Variants in ANKS6 observed in about 807,000 individuals in gnomAD.
The protein encoded by ANKS6 is ankyrin repeat and sterile alpha motif domain containing 6.
ANKS6 carries 47 observed loss-of-function variants against 77.9 expected under a neutral mutation model. The ratio of observed to expected loss-of-function variants is 0.60; its 90% CI spans 0.48 to 0.77. The LOEUF is 0.77. Among genes scored for constraint, ANKS6 ranks in the 30% least tolerant of loss-of-function variants. ANKS6 has a pLI of 0.00. For synonymous variants in ANKS6, 488 were observed against 501.7 expected, an observed-to-expected ratio of 0.97 and a Z score of 0.37; for missense variants, 1,150 against 1,159.1, an observed-to-expected ratio of 0.99 and a Z score of 0.11.
Position 98,733,640 on chromosome 9 carries a change from G to C in ANKS6, c.*2879C>G, listed in dbSNP as rs1050010181. The C allele has an allele frequency of 2.0e-5, 20 of 985,352 alleles. No homozygotes were observed. The African/African-American group carries it at 3.5e-4, about 17-fold the overall frequency. The allele number at this position is 985,352 out of a possible 1,614,324, so 61.0% of individuals were successfully genotyped here. A position where few individuals can be genotyped will look rare whatever the true frequency, so the allele number is the denominator to read the frequency against. ...TCCAAGGAATTCCAGTCTTGCAAAAGCACCTTGGAGAAGTGATGAGAGTAA... is the reference window on the plus strand; with the variant it reads ...TCCAAGGAATTCCAGTCTTGCAAAACCACCTTGGAGAAGTGATGAGAGTAA... On this transcript the variant is annotated 3_prime_UTR_variant, in exon 15 of 15. Coordinates refer to ENST00000353234, the MANE Select transcript of ANKS6 (RefSeq NM_173551.5).
chr9:98,781,448 C>G (rs1233305571), intron 5 of ANKS6, among the ~76,000 whole-genome samples: 5 of 152,188 alleles, frequency 3.3e-5, no homozygotes, highest in Admixed American at 3.3e-4. Flanking sequence ...AAACTCTTGG[C>G]AAGTGAAGAA....
At chr9:98,788,428 C>CACG (rs35598618) in intron 2 of ANKS6, among the ~76,000 whole-genome samples, 22,219 of 152,074 alleles carry the variant, frequency 0.15, 1,809 homozygotes, top group Non-Finnish European at 0.19. Context: ...GTGTGCTGGG[C>CACG]ACGGCAGGGC....
rs771973253 is a variant in ANKS6, at chr9:98,790,505, C to T, written c.461G>A (p.Gly154Asp). Reference sequence around the variant, plus strand: ...CAGCTTCACCACACCCAGGTGGCCGCCCCGAGAAGCCACAGTGAGCACACT... The same window carrying T: ...CAGCTTCACCACACCCAGGTGGCCGTCCCGAGAAGCCACAGTGAGCACACT... ...GASVLTVASR[G>D]GHLGVVKLLL... The change falls in exon 2 of 15, where the codon GGC (glycine) becomes GAC (aspartate). Residue 154 changes from glycine to aspartate, a missense_variant. Physicochemically the swap from Gly to Asp is moderately conservative, Grantham distance 94. Coordinates refer to ENST00000353234, the MANE Select transcript of ANKS6 (RefSeq NM_173551.5). 3.7e-6 allele frequency: 6 copies of T among 1,613,400 alleles called. No individual in the cohort carries two copies. Among genetic ancestry groups the T allele is most frequent in the African/African-American group, 1.3e-5 (1 of 74,924 alleles).
In ANKS6 at chr9:98,777,268, C is replaced by T. The variant is rs1833965662; in HGVS notation, c.1617+137G>A. The T allele has an allele frequency of 6.6e-6, 6 of 910,710 alleles. No individual in the cohort carries two copies. In the East Asian group the frequency reaches 1.0e-4, roughly 15 times the overall value. The allele number at this position is 910,710 out of a possible 1,614,324, so 56.4% of individuals were successfully genotyped here. A position where few individuals can be genotyped will look rare whatever the true frequency, so the allele number is the denominator to read the frequency against. ...GACTCCTCAGTGCCAGAGCTAAGCC[C>T]ACTGTTACACATTCTCATCACCAAC... On this transcript the variant is annotated intron_variant, in intron 8 of 14. Coordinates refer to ENST00000353234, the MANE Select transcript of ANKS6 (RefSeq NM_173551.5).
In ANKS6 at chr9:98,796,522, C is replaced by A. The variant is rs1835188691; in HGVS notation, c.-31G>T. ...CCGCCACGCGCGGCCCGCTCCCGTC[C>A]GCCCCGCCGGCCGCGTCGGCTCCGC... On this transcript the variant is annotated 5_prime_UTR_variant, in exon 1 of 15. Transcript: ENST00000353234. 1 of 980,070 alleles carries A rather than the reference C, an allele frequency of 1.0e-6. No homozygotes were observed. The allele number at this position is 980,070 out of a possible 1,614,324, so 60.7% of individuals were successfully genotyped here.
chr9:98,781,183 A>C (rs1285170502), intron 5 of ANKS6, among the ~76,000 whole-genome samples: 1 of 152,228 alleles, frequency 6.6e-6, no homozygotes, highest in African/African-American at 2.4e-5. Flanking sequence ...TATGGGCGTG[A>C]GCCATCCACG....
intron 10 of ANKS6, 56 bp downstream of exon 10, chr9:98,770,840 C>A: frequency 1.5e-6 from 2 of 1,333,440 alleles, no homozygotes; most frequent in Non-Finnish European, 1.9e-6. Flanking sequence ...GCAGTGCACA[C>A]CCTCAGTCCC....
chr9:98,750,884 T>C, intron 13 of ANKS6, 145 bp downstream of exon 13: 1 of 667,378 alleles, frequency 1.5e-6, no homozygotes, highest in Non-Finnish European at 2.5e-6. Flanking sequence ...CAAACTGAAC[T>C]AATCCCGCTA....
chr9:98,767,998 C>A, intron 11 of ANKS6, 83 bp downstream of exon 11: 3 of 1,493,938 alleles, frequency 2.0e-6, no homozygotes, highest in Non-Finnish European at 2.7e-6. Flanking sequence ...ATGACTAAGG[C>A]ACTGCCCATG....
rs530245376 is a variant in ANKS6, at chr9:98,778,437, C to T, written c.1369-13G>A. On this transcript the variant is annotated splice_polypyrimidine_tract_variant and intron_variant, in intron 6 of 14. Transcript: ENST00000353234. ...GGTTCCACCAGGACTGCCAAAGGAA[C>T]GCAGAGCAGAAGTCATGCTCCAGGA... is the stretch of plus-strand genomic sequence containing the variant. 3.8e-5 allele frequency: 61 copies of T among 1,613,006 alleles called. 2 individuals are homozygous for T. The highest frequency in any genetic ancestry group is 3.5e-4 in the South Asian group (32 of 90,870).
At chr9:98,768,971 T>A (rs1232033662) in intron 10 of ANKS6, among the ~76,000 whole-genome samples, 1 of 151,616 alleles carries the variant, frequency 6.6e-6, no homozygotes, top group Non-Finnish European at 1.5e-5. Context: ...ACTAAAAATA[T>A]AAAAAATTAG....
In ANKS6 at chr9:98,733,755, G is replaced by C; in HGVS notation, c.*2764C>G. 2 of 985,532 alleles carry C rather than the reference G, an allele frequency of 2.0e-6. No homozygotes were observed. The highest frequency in any genetic ancestry group is 2.4e-6 in the Non-Finnish European group (2 of 829,996). 61.0% of individuals were successfully genotyped at this position (985,532 alleles called of 1,614,324 possible). A position where few individuals can be genotyped will look rare whatever the true frequency, so the allele number is the denominator to read the frequency against. ...GTTGTGAGAGGCCTGTAGCAAAGAT[G>C]ATCGTGTAGCTCGCTTTAGTGTCTG... On this transcript the variant is annotated 3_prime_UTR_variant, in exon 15 of 15. Transcript: ENST00000353234.
chr9:98,756,791 C>A (rs897359503), intron 11 of ANKS6, among the ~76,000 whole-genome samples, 188 bp from the exon 12 acceptor site: 1 of 152,070 alleles, frequency 6.6e-6, no homozygotes, highest in African/African-American at 2.4e-5. Flanking sequence ...GAGGAAAATG[C>A]AACCCTGGAG....
rs1229102270 is a variant in ANKS6 at position 98,734,425 on chromosome 9, C to T, written c.*2094G>A. ...TATTGTTATGAAAAAAACAGGACCA[C>T]AGCAAAAAGCAGGCACAAAACCTCA... On this transcript the variant is annotated 3_prime_UTR_variant, in exon 15 of 15. Transcript: ENST00000353234. 1.1e-4 allele frequency: 109 copies of T among 985,342 alleles called. No homozygotes were observed. Among genetic ancestry groups the T allele is most frequent in the Non-Finnish European group, 1.1e-4 (95 of 829,984 alleles). 61.0% of individuals were successfully genotyped at this position (985,342 alleles called of 1,614,324 possible).
chr9:98,784,304 C>CA, intron 3 of ANKS6, 147 bp from the exon 4 acceptor site: 1 of 648,868 alleles, frequency 1.5e-6, no homozygotes, highest in Non-Finnish European at 2.5e-6. Flanking sequence ...AAGAGGGCGT[C>CA]AGAGATAGCC....
Position 98,757,958 on chromosome 9 carries a change from T to TAAATAAATAA in ANKS6, c.2143-1356_2143-1355insTTATTTATTT, listed in dbSNP as rs1832804223. On this transcript the variant is annotated intron_variant, in intron 11 of 14. Coordinates refer to ENST00000353234, the MANE Select transcript of ANKS6 (RefSeq NM_173551.5). The stretch of plus-strand genomic sequence containing the variant: ...AAATAAATAAATAAATAAATAAATA[T>TAAATAAATAA]ACAAAATAAAATATCCTTTGGGAGA... Among the ~76,000 whole-genome samples the TAAATAAATAA allele has an allele frequency of 6.1e-5, 9 of 146,830 alleles. No individual in the cohort carries two copies. The South Asian group carries it at 2.0e-3, about 32-fold the overall frequency.
intron 2 of ANKS6, among the ~76,000 whole-genome samples, chr9:98,787,102 G>C (rs967228163): frequency 2.6e-5 from 4 of 152,152 alleles, no homozygotes; most frequent in Non-Finnish European, 4.4e-5. Context: ...AGAGACCAGG[G>C]GACCTCCAAG....
intron 11 of ANKS6, among the ~76,000 whole-genome samples, chr9:98,758,900 T>TA (rs1433156247): frequency 6.6e-6 from 1 of 152,188 alleles, no homozygotes; most frequent in Non-Finnish European, 1.5e-5. Context: ...TAGAGTACAG[T>TA]ACTTGTATAC....
Position 98,736,637 on chromosome 9 carries a change from T to C in ANKS6, c.2512-14A>G, listed in dbSNP as rs1373462676. 2 of 1,594,000 alleles carry C rather than the reference T, an allele frequency of 1.3e-6. No homozygotes were observed. The highest frequency in any genetic ancestry group is 1.7e-6 in the Non-Finnish European group (2 of 1,169,558). On this transcript the variant is annotated splice_polypyrimidine_tract_variant and intron_variant, in intron 14 of 14. Coordinates refer to ENST00000353234, the MANE Select transcript of ANKS6 (RefSeq NM_173551.5). The stretch of plus-strand genomic sequence containing the variant: ...TCTCTCGCGTCCCTGTGGAGGAAAT[T>C]GAAAACAGACACAGAAAGTCTTATT...
Sources: gnomAD v4.1 joint callset for allele counts (sites outside exome capture counted in the v4.1 genomes callset) on GRCh38, gnomAD v4.1.1 for gene constraint, MANE v1.5 for transcripts, NCBI Gene and HGNC (gene_info 2026-07-23, HGNC 2026-07-21) for gene names.